ZNF280C: variants seen among roughly 807,000 people sequenced by gnomAD.
ZNF280C encodes the protein suppressor of hairy wing homolog 3.
ZNF280C carries 14 observed loss-of-function variants against 53.6 expected under a neutral mutation model. That is an observed-to-expected ratio of 0.26 (90% confidence interval 0.17 to 0.41). ZNF280C has a LOEUF of 0.41. Among genes scored for constraint, ZNF280C ranks in the 10% least tolerant of loss-of-function variants. The pLI is 1.00. For synonymous variants in ZNF280C, 203 were observed against 181.1 expected (o/e 1.12, Z -0.97); for missense variants, 416 against 547.1 (o/e 0.76, Z 2.39).
At chrX:130,205,853 C>T (rs999353258) in intron 16 of ZNF280C, among the ~76,000 whole-genome samples, 2 of 102,312 alleles carry the variant, frequency 2.0e-5, no homozygotes, top group African/African-American at 7.3e-5. Context: ...TGTGCCACTG[C>T]ACTCCAGCTG....
At chrX:130,268,655 C>T (rs2032716830) in intron 1 of ZNF280C, 107 bp downstream of exon 1, 1 of 112,649 alleles carries the variant, frequency 8.9e-6, no homozygotes, top group Non-Finnish European at 1.9e-5. Flanking sequence ...CATAGAGACC[C>T]TCAGCCAGCC....
chrX:130,206,617 C>T (rs1186594447), intron 16 of ZNF280C, among the ~76,000 whole-genome samples: 2 of 111,370 alleles, frequency 1.8e-5, no homozygotes, highest in African/African-American at 6.5e-5. Flanking sequence ...CCACCCGCCT[C>T]GGCCTCCCAA....
intron 2 of ZNF280C, among the ~76,000 whole-genome samples, chrX:130,256,483 C>T (rs941418627): frequency 1.4e-4 from 15 of 110,792 alleles, no homozygotes; most frequent in African/African-American, 4.9e-4. Flanking sequence ...ACACGGGAGG[C>T]AGAGGCAGAG....
In ZNF280C at chrX:130,215,858, G is replaced by A. The variant is rs755542222; in HGVS notation, c.1771C>T (p.Pro591Ser). 5.0e-6 allele frequency: 6 copies of A among 1,209,551 alleles called. No homozygotes were observed. In the African/African-American group the frequency reaches 1.0e-4, roughly 21 times the overall value. Residue 591 changes from proline (P) to serine (S), a missense_variant, in exon 14 of 19, where the codon CCC becomes TCC. This residue lies in a region of ZNF280C where 151 missense variants were observed against 176.9 expected (regional missense o/e 0.85). Transcript: ENST00000370978. ...RGRIAKSKAK[P>S]SYKQKRQRNR... ...CGCTGTCGCTTTTGCTTGTAAGAGG[G>A]TTTTGCTTTGGACTTAGCTATACGT...
At chrX:130,243,892 T>G in intron 3 of ZNF280C, 27 bp from the exon 4 acceptor site, 1 of 978,026 alleles carries the variant, frequency 1.0e-6, no homozygotes, top group Non-Finnish European at 1.4e-6. Flanking sequence ...ATTTTAAAAT[T>G]TGTTATGTGA....
chrX:130,251,788 G>GAAAA (rs56669311), intron 2 of ZNF280C, among the ~76,000 whole-genome samples: 48 of 81,503 alleles, frequency 5.9e-4, no homozygotes, highest in African/African-American at 2.1e-3. Context: ...GACTTCGTCT[G>GAAAA]AAAAAAAAAA....
chrX:130,214,637 A>G (rs955186003), intron 15 of ZNF280C, among the ~76,000 whole-genome samples: 2 of 111,597 alleles, frequency 1.8e-5, no homozygotes, highest in Non-Finnish European at 3.8e-5. Context: ...TTGCACATAA[A>G]CTATACATAT....
rs759703162 is a variant in ZNF280C, at chrX:130,216,014, C to T, written c.1615G>A (p.Val539Ile). 1 of 1,211,012 alleles carries T rather than the reference C, an allele frequency of 8.3e-7. No homozygotes were observed. The highest frequency in any genetic ancestry group is 3.0e-5 in the East Asian group (1 of 33,826). Residue 539 changes from valine to isoleucine, a missense_variant, in exon 14 of 19, where the codon GTC becomes ATC. Physicochemically the swap from Val to Ile is conservative, Grantham distance 29. Coordinates refer to ENST00000370978, the MANE Select transcript of ZNF280C (RefSeq NM_017666.5). ...GCAPGTSFLQVTPPTSQNTTA... is the reference protein window; with the variant it reads ...GCAPGTSFLQITPPTSQNTTA... Reference sequence around the variant, plus strand: ...GTATTTTGAGATGTCGGAGGTGTGACCTGAAGAAAAGAAGTGCCTGGAGCG... The same window carrying T: ...GTATTTTGAGATGTCGGAGGTGTGATCTGAAGAAAAGAAGTGCCTGGAGCG...
At chrX:130,268,660 C>G (rs1226645663) in intron 1 of ZNF280C, 102 bp downstream of exon 1, 1 of 112,715 alleles carries the variant, frequency 8.9e-6, no homozygotes, top group African/African-American at 3.2e-5. Flanking sequence ...AGACCCTCAG[C>G]CAGCCGCCCT....
chrX:130,220,106 T>G (rs1335223692), intron 13 of ZNF280C, among the ~76,000 whole-genome samples: 1 of 111,070 alleles, frequency 9.0e-6, no homozygotes, highest in Admixed American at 9.6e-5. Flanking sequence ...ATACAATACA[T>G]AATGATCAAA....
At chrX:130,233,975 C>T (rs913550274) in intron 8 of ZNF280C, among the ~76,000 whole-genome samples, 2 of 110,119 alleles carry the variant, frequency 1.8e-5, no homozygotes, top group South Asian at 7.6e-4. Flanking sequence ...AAGTGAAAGA[C>T]TTTTTTTAAA....
intron 8 of ZNF280C, among the ~76,000 whole-genome samples, chrX:130,235,381 G>A: frequency 9.0e-6 from 1 of 111,478 alleles, no homozygotes; most frequent in Non-Finnish European, 1.9e-5. Flanking sequence ...CAGGCATGGT[G>A]GTGCTACGTG....
intron 12 of ZNF280C, among the ~76,000 whole-genome samples, chrX:130,221,311 A>G (rs2032161143): frequency 8.9e-6 from 1 of 111,945 alleles, no homozygotes; most frequent in Non-Finnish European, 1.9e-5. Context: ...TAAGTAATAG[A>G]CAGCAAATTA....
chrX:130,255,987 G>A (rs758512009), intron 2 of ZNF280C, among the ~76,000 whole-genome samples: 4 of 111,128 alleles, frequency 3.6e-5, no homozygotes, highest in Non-Finnish European at 7.5e-5. Flanking sequence ...GAACAGCTTA[G>A]TCAGGCATGG....
intron 2 of ZNF280C, among the ~76,000 whole-genome samples, chrX:130,249,860 G>A (rs2032489031): frequency 8.9e-6 from 1 of 111,808 alleles, no homozygotes; most frequent in Non-Finnish European, 1.9e-5. Flanking sequence ...AGGAATAAAG[G>A]TCACTGAGAT....
In ZNF280C at chrX:130,209,685, A is replaced by G; in HGVS notation, c.2010T>C (p.Phe670=). Residue 670 remains phenylalanine (F), a synonymous_variant, in exon 16 of 19, where the codon TTT becomes TTC. Transcript: ENST00000370978. The part of the protein sequence containing the change: ...SSHSNHPGKR[F]CIFKKHSGTL... ...TTCCTGAATGCTTCTTGAAAATACA[A>G]AACCGTTTACCTGGATGGTTGCTAT... 1 of 1,209,132 alleles carries G rather than the reference A, an allele frequency of 8.3e-7. No homozygotes were observed. The highest frequency in any genetic ancestry group is 1.8e-5 in the South Asian group (1 of 56,188).
intron 1 of ZNF280C, among the ~76,000 whole-genome samples, chrX:130,264,930 T>C (rs937380467): frequency 8.9e-6 from 1 of 111,964 alleles, no homozygotes; most frequent in African/African-American, 3.2e-5. Flanking sequence ...AACTGGATTA[T>C]ATCTTGGTTC....
chrX:130,246,978 A>G lies in ZNF280C; in HGVS notation c.59T>C (p.Met20Thr). Reference sequence around the variant, plus strand: ...CTCTAGCTCTTCTTCTTCACATTCCATAAAGAGTTCTGCCATTTTTGAAAT... The same window carrying G: ...CTCTAGCTCTTCTTCTTCACATTCCGTAAAGAGTTCTGCCATTTTTGAAAT... ...KNISKMAELF[M>T]ECEEEELEPW... The change falls in exon 3 of 19, where the codon ATG becomes ACG. Residue 20 changes from methionine (M) to threonine (T), a missense_variant. Transcript: ENST00000370978. The G allele has an allele frequency of 3.3e-6, 4 of 1,206,298 alleles. No individual in the cohort carries two copies. Among genetic ancestry groups the G allele is most frequent in the Non-Finnish European group, 4.5e-6 (4 of 894,069 alleles).
At chrX:130,243,495 A>G (rs2032415983) in intron 5 of ZNF280C, 68 bp downstream of exon 5, 1 of 1,110,694 alleles carries the variant, frequency 9.0e-7, no homozygotes, top group Admixed American at 2.5e-5. Flanking sequence ...GACAGATCAC[A>G]ATTTTAACTC....
Sources: allele counts gnomAD v4.1 joint callset (sites outside exome capture counted in the v4.1 genomes callset), GRCh38; gene constraint gnomAD v4.1.1; regional missense constraint gnomAD v4.1.1; transcripts MANE v1.5; gene names NCBI Gene and HGNC (gene_info 2026-07-23, HGNC 2026-07-21).